The following CAMKMT variants were observed in gnomAD, a reference collection of about 807,000 sequenced individuals.
CAMKMT encodes the protein calmodulin-lysine N-methyltransferase.
A neutral mutation model predicts 48.0 loss-of-function variants in CAMKMT; 53 were observed. The observed-to-expected ratio is 1.10, with a 90% CI of 0.89 to 1.39. The LOEUF (loss-of-function observed/expected upper bound fraction) is 1.39, where lower values mean the gene tolerates loss of function less well. Among genes scored for constraint, CAMKMT ranks in the 40% most tolerant of loss-of-function variants. The pLI, the probability that CAMKMT is intolerant of heterozygous loss-of-function variation, is 0.00. For synonymous variants in CAMKMT, 165 were observed against 152.3 expected (o/e 1.08, Z -0.61); for missense variants, 428 against 402.7 (o/e 1.06, Z -0.54).
At chr2:44,476,792 C>T (rs988448315) in intron 3 of CAMKMT, among the ~76,000 whole-genome samples, 2 of 152,090 alleles carry the variant, frequency 1.3e-5, no homozygotes, top group African/African-American at 4.8e-5. Flanking sequence ...CTTAGGCAAG[C>T]CATGTAATTT....
intron 3 of CAMKMT, among the ~76,000 whole-genome samples, chr2:44,647,205 C>CAAT (rs1355433294): frequency 6.6e-6 from 1 of 152,198 alleles, no homozygotes. Flanking sequence ...TGGTCAACTA[C>CAAT]AATAACTCCA....
intron 2 of CAMKMT, among the ~76,000 whole-genome samples, chr2:44,373,431 G>A (rs1212176482): frequency 6.6e-6 from 1 of 152,138 alleles, no homozygotes; most frequent in Non-Finnish European, 1.5e-5. Context: ...GTTACAGACT[G>A]CAATAACAAG....
intron 3 of CAMKMT, among the ~76,000 whole-genome samples, chr2:44,607,886 G>C (rs1671374864): frequency 6.6e-6 from 1 of 151,624 alleles, no homozygotes; most frequent in African/African-American, 2.4e-5. Flanking sequence ...AAATAGTATA[G>C]TGAGAGCAAT....
At chr2:44,484,975 C>T (rs551686843) in intron 3 of CAMKMT, among the ~76,000 whole-genome samples, 4 of 152,114 alleles carry the variant, frequency 2.6e-5, no homozygotes, top group South Asian at 2.1e-4. Flanking sequence ...GATACTAAAC[C>T]GAAATAGTCA....
intron 2 of CAMKMT, among the ~76,000 whole-genome samples, chr2:44,385,005 A>G (rs1680638960): frequency 6.6e-6 from 1 of 152,154 alleles, no homozygotes; most frequent in Non-Finnish European, 1.5e-5. Context: ...TGTTTTTTCT[A>G]ATTCGGTGAA....
chr2:44,587,961 T>C (rs1047193442), intron 3 of CAMKMT, among the ~76,000 whole-genome samples: 4 of 121,416 alleles, frequency 3.3e-5, no homozygotes, highest in African/African-American at 9.1e-5. Flanking sequence ...ATGAGGAGCC[T>C]CTCTGCCTGG....
intron 3 of CAMKMT, among the ~76,000 whole-genome samples, chr2:44,520,967 G>A (rs1362955312): frequency 3.3e-5 from 5 of 152,192 alleles, no homozygotes; most frequent in Admixed American, 3.3e-4. Flanking sequence ...GTGGAACTGT[G>A]AGCCAATTAA....
At chr2:44,622,235 A>G (rs1404278372) in intron 3 of CAMKMT, among the ~76,000 whole-genome samples, 1 of 152,196 alleles carries the variant, frequency 6.6e-6, no homozygotes, top group Non-Finnish European at 1.5e-5. Flanking sequence ...GAAAACTTCC[A>G]CTTATTTATG....
At chr2:44,685,312 A>G (rs1208664548) in intron 3 of CAMKMT, among the ~76,000 whole-genome samples, 1 of 152,180 alleles carries the variant, frequency 6.6e-6, no homozygotes, top group East Asian at 1.9e-4. Context: ...AAGGAGAGAG[A>G]ATGAGATGGA....
intron 3 of CAMKMT, among the ~76,000 whole-genome samples, chr2:44,513,335 A>G (rs576651603): frequency 1.1e-4 from 16 of 152,142 alleles, no homozygotes; most frequent in African/African-American, 3.6e-4. Flanking sequence ...TAGCTCGATA[A>G]CTGTTGTTGA....
chr2:44,520,417 C>G lies in CAMKMT; in HGVS notation c.376+130112C>G, dbSNP rs185501917. On this transcript the variant is annotated intron_variant, in intron 3 of 10. Coordinates refer to ENST00000378494, the MANE Select transcript of CAMKMT (RefSeq NM_024766.5). ...CAGGAGTGAGCCACTGCATCCAGCC[C>G]TCAAAGCATTTTAAATTACTATGCA... Among the ~76,000 whole-genome samples, 556 of 152,106 alleles carry G rather than the reference C, an allele frequency of 3.7e-3. 1 individual carries two copies. The highest frequency in any genetic ancestry group is 0.01 in the Middle Eastern group (3 of 294).
At chr2:44,642,560 T>G (rs974494884) in intron 3 of CAMKMT, among the ~76,000 whole-genome samples, 1 of 152,214 alleles carries the variant, frequency 6.6e-6, no homozygotes, top group Non-Finnish European at 1.5e-5. Flanking sequence ...GCATTCCTTC[T>G]GCTTCTCTGC....
intron 3 of CAMKMT, among the ~76,000 whole-genome samples, chr2:44,487,473 A>G (rs2104701160): frequency 6.6e-6 from 1 of 152,334 alleles, no homozygotes. Flanking sequence ...TATTTCTACC[A>G]CTGACATGCT....
chr2:44,424,342 A>T (rs190088389), intron 3 of CAMKMT, among the ~76,000 whole-genome samples: 115 of 152,208 alleles, frequency 7.6e-4, no homozygotes, highest in African/African-American at 2.7e-3. Flanking sequence ...AAGCTCCCCA[A>T]AGTAAAGATT....
intron 3 of CAMKMT, among the ~76,000 whole-genome samples, chr2:44,548,004 A>G (rs1480012651): frequency 1.3e-5 from 2 of 152,308 alleles, no homozygotes; most frequent in East Asian, 1.9e-4. Context: ...AGAGTGGGGA[A>G]AAACTTGGCC....
chr2:44,368,237 A>G (rs1010755454), intron 1 of CAMKMT, among the ~76,000 whole-genome samples: 30 of 152,200 alleles, frequency 2.0e-4, no homozygotes, highest in Non-Finnish European at 5.9e-5. Context: ...TTATTTAATT[A>G]TATAACATGG....
At chr2:44,667,944 C>T (rs1203700677) in intron 3 of CAMKMT, among the ~76,000 whole-genome samples, 2 of 152,206 alleles carry the variant, frequency 1.3e-5, no homozygotes, top group African/African-American at 2.4e-5. Flanking sequence ...CCTCGACACT[C>T]AGCCTCTATG....
At chr2:44,474,173 T>G (rs936326749) in intron 3 of CAMKMT, among the ~76,000 whole-genome samples, 5 of 151,990 alleles carry the variant, frequency 3.3e-5, no homozygotes, top group Admixed American at 2.0e-4. Context: ...GGGCCGGGCG[T>G]CGTGGCTCAC....
intron 3 of CAMKMT, among the ~76,000 whole-genome samples, chr2:44,611,717 G>C (rs1211913576): frequency 6.6e-6 from 1 of 151,948 alleles, no homozygotes; most frequent in Non-Finnish European, 1.5e-5. Flanking sequence ...TTGGCTCATG[G>C]TTGTGCAGGC....
Sources: gnomAD v4.1 joint callset for allele counts (sites outside exome capture counted in the v4.1 genomes callset) on GRCh38, gnomAD v4.1.1 for gene constraint, MANE v1.5 for transcripts, NCBI Gene and HGNC (gene_info 2026-07-23, HGNC 2026-07-21) for gene names.